The following CAMKMT variants were observed in gnomAD, a reference collection of about 807,000 sequenced individuals.
CAMKMT encodes CaM KMT.
In CAMKMT, 53 loss-of-function variants were observed where a neutral mutation model predicts 48.0. The ratio of observed to expected loss-of-function variants is 1.10; its 90% CI spans 0.89 to 1.39. The LOEUF (loss-of-function observed/expected upper bound fraction) is 1.39. Ranked by LOEUF, CAMKMT falls within the 40% of genes most tolerant of loss-of-function variation. The probability of loss-of-function intolerance (pLI) is 0.00; values close to 1 mark genes in which losing one functional copy is unlikely to be tolerated. For missense variants in CAMKMT, 428 were observed against 402.7 expected, an observed-to-expected ratio of 1.06 and a Z score of -0.54; for synonymous variants, 165 against 152.3, an observed-to-expected ratio of 1.08 and a Z score of -0.61.
At chr2:44,410,984 A>C (rs1067394) in intron 3 of CAMKMT, among the ~76,000 whole-genome samples, 94,345 of 151,968 alleles carry the variant, frequency 0.62, 29,737 homozygotes, top group Middle Eastern at 0.67. Flanking sequence ...AGATGTTCCT[A>C]TTGGGATTAT....
chr2:44,386,438 T>G (rs1392014900), intron 2 of CAMKMT, among the ~76,000 whole-genome samples: 3 of 152,098 alleles, frequency 2.0e-5, no homozygotes, highest in Non-Finnish European at 4.4e-5. Flanking sequence ...GTCTATCAAT[T>G]TTATTTATCT....
rs35786716 is a variant in CAMKMT, at chr2:44,484,691, CAA to C, written c.376+94398_376+94399del. ...TTAGGTAAGGATATCTTAAATAGGA[CAA>C]AAAAAAAAAAACCATACAGAAAAGA... On this transcript the variant is annotated intron_variant, in intron 3 of 10. Transcript: ENST00000378494. Among the ~76,000 whole-genome samples the C allele has an allele frequency of 7.1e-3, 989 of 139,042 alleles. 9 individuals are homozygous for C. Among genetic ancestry groups the C allele is most frequent in the African/African-American group, 0.018 (683 of 38,388 alleles). The allele number at this position is 139,042 out of a possible 152,430, so 91.2% of individuals were successfully genotyped here. A position where few individuals can be genotyped will look rare whatever the true frequency, so the allele number is the denominator to read the frequency against.
chr2:44,398,491 T>G (rs946312801), intron 3 of CAMKMT, among the ~76,000 whole-genome samples: 5 of 152,222 alleles, frequency 3.3e-5, no homozygotes, highest in African/African-American at 1.2e-4. Flanking sequence ...GGACAAAGAA[T>G]GCGTTTTCTT....
intron 3 of CAMKMT, among the ~76,000 whole-genome samples, chr2:44,560,805 T>C (rs1423436571): frequency 6.6e-6 from 1 of 152,188 alleles, no homozygotes; most frequent in East Asian, 1.9e-4. Flanking sequence ...GTTACTAATA[T>C]TGATTTTGCA....
intron 3 of CAMKMT, among the ~76,000 whole-genome samples, chr2:44,676,119 G>T: frequency 6.6e-6 from 1 of 152,160 alleles, no homozygotes; most frequent in East Asian, 1.9e-4. Flanking sequence ...TCAGACTAGT[G>T]CAGTAAACTC....
rs146069789 is a variant in CAMKMT at position 44,371,696 on chromosome 2, C to A, written c.139-1020C>A. ...TATTCTCACTTCTCCCATTGCCCCA[C>A]CACCATTATTTTGAAGCAAATCTCA... On this transcript the variant is annotated intron_variant, in intron 1 of 10. Transcript: ENST00000378494. Among the ~76,000 whole-genome samples, 383 of 152,236 alleles carry A rather than the reference C, an allele frequency of 2.5e-3. 4 individuals are homozygous for A. Among genetic ancestry groups the A allele is most frequent in the Non-Finnish European group, 4.1e-3 (276 of 68,022 alleles).
intron 3 of CAMKMT, among the ~76,000 whole-genome samples, chr2:44,663,378 G>A (rs188209501): frequency 6.9e-4 from 105 of 152,322 alleles, no homozygotes; most frequent in African/African-American, 2.5e-3. Flanking sequence ...CTACATCATT[G>A]ATTCGCAAAC....
At chr2:44,769,571 CA>C (rs1280306042) in intron 10 of CAMKMT, among the ~76,000 whole-genome samples, 1 of 152,148 alleles carries the variant, frequency 6.6e-6, no homozygotes, top group Non-Finnish European at 1.5e-5. Flanking sequence ...TTCGAGATTA[CA>C]GCTGGCTTGA....
intron 3 of CAMKMT, among the ~76,000 whole-genome samples, chr2:44,563,623 T>C (rs933638831): frequency 6.7e-6 from 1 of 150,030 alleles, no homozygotes; most frequent in Non-Finnish European, 1.5e-5. Context: ...TCCCTCCCCC[T>C]TCCCCCCACC....
At chr2:44,761,490 A>G (rs1680616837) in intron 9 of CAMKMT, among the ~76,000 whole-genome samples, 2 of 152,368 alleles carry the variant, frequency 1.3e-5, no homozygotes, top group South Asian at 4.1e-4. Context: ...AAAATTTTTT[A>G]GCCAGCACCC....
intron 3 of CAMKMT, among the ~76,000 whole-genome samples, chr2:44,527,755 C>G (rs1025794310): frequency 8.7e-5 from 13 of 149,462 alleles, no homozygotes; most frequent in African/African-American, 3.2e-4. Flanking sequence ...ACAGAGCATC[C>G]TCATGACCCC....
chr2:44,546,371 A>G (rs1430435432), intron 3 of CAMKMT, among the ~76,000 whole-genome samples: 4 of 152,208 alleles, frequency 2.6e-5, no homozygotes, highest in African/African-American at 9.6e-5. Flanking sequence ...CCTGAGGTCT[A>G]CATCAGAGCA....
At chr2:44,431,222 CT>C (rs765602849) in intron 3 of CAMKMT, among the ~76,000 whole-genome samples, 126 of 151,972 alleles carry the variant, frequency 8.3e-4, no homozygotes, top group East Asian at 5.0e-3. Flanking sequence ...TAAACTGATA[CT>C]TTTTTTTCCC....
At chr2:44,624,531 T>A (rs1370233841) in intron 3 of CAMKMT, among the ~76,000 whole-genome samples, 1 of 151,746 alleles carries the variant, frequency 6.6e-6, no homozygotes, top group Non-Finnish European at 1.5e-5. Context: ...CCTGTGTCCA[T>A]GTGTTCTCAT....
At position 44,657,114 on chromosome 2, in the gene CAMKMT, T is replaced by A. The variant is rs1674422424; in HGVS notation, c.377-47169T>A. Among the ~76,000 whole-genome samples, 1 of 152,198 alleles carries A rather than the reference T, an allele frequency of 6.6e-6. No homozygotes were observed. Among genetic ancestry groups the A allele is most frequent in the Admixed American group, 6.5e-5 (1 of 15,272 alleles). Reference sequence around the variant, plus strand: ...AGGATACAGGCAGTTGCTAATTTGTTCTAATGTGCTGGTCAGAGTGCAGCC... The same window carrying A: ...AGGATACAGGCAGTTGCTAATTTGTACTAATGTGCTGGTCAGAGTGCAGCC... On this transcript the variant is annotated intron_variant, in intron 3 of 10. Transcript: ENST00000378494. The surrounding 1 kb of genome is among the most constrained non-coding windows in gnomAD (Gnocchi z 4.3).
chr2:44,444,130 C>T (rs1466843849), intron 3 of CAMKMT, among the ~76,000 whole-genome samples: 1 of 152,112 alleles, frequency 6.6e-6, no homozygotes, highest in African/African-American at 2.4e-5. Flanking sequence ...TACACGTGTA[C>T]TTGATACATA....
At chr2:44,393,868 G>A (rs909652441) in intron 3 of CAMKMT, among the ~76,000 whole-genome samples, 6 of 152,192 alleles carry the variant, frequency 3.9e-5, no homozygotes, top group Non-Finnish European at 8.8e-5. Context: ...GCACCATGCT[G>A]TCTCTTCCAA....
chr2:44,649,238 C>T (rs1673924818), intron 3 of CAMKMT, among the ~76,000 whole-genome samples: 1 of 152,114 alleles, frequency 6.6e-6, no homozygotes, highest in Admixed American at 6.6e-5. Context: ...TTTTCCTGCC[C>T]TTGAGGTTCA....
chr2:44,592,623 C>G (rs1000056350), intron 3 of CAMKMT, among the ~76,000 whole-genome samples: 3 of 152,264 alleles, frequency 2.0e-5, no homozygotes, highest in Non-Finnish European at 4.4e-5. Context: ...ATCTCTTATA[C>G]TATGCCTAAT....
Sources: allele counts gnomAD v4.1 joint callset (sites outside exome capture counted in the v4.1 genomes callset), GRCh38; gene constraint gnomAD v4.1.1; non-coding constraint Gnocchi (gnomAD v3.1); transcripts MANE v1.5; gene names NCBI Gene and HGNC (gene_info 2026-07-23, HGNC 2026-07-21).